NEB: variants seen among roughly 807,000 people sequenced by gnomAD.
The protein encoded by NEB is nebulin.
In NEB, 512 loss-of-function variants were observed where a neutral mutation model predicts 952.2. The ratio of observed to expected loss-of-function variants is 0.54; its 90% confidence interval spans 0.50 to 0.58. The LOEUF (loss-of-function observed/expected upper bound fraction) is 0.58, where lower values mean the gene tolerates loss of function less well. Ranked by LOEUF, NEB falls within the 20% of genes least tolerant of loss-of-function variation. The pLI, the probability that NEB is intolerant of heterozygous loss-of-function variation, is 0.00. For synonymous variants in NEB, 2,900 were observed against 3,149.8 expected (o/e 0.92, Z 2.66); for missense variants, 8,428 against 9,231.1 (o/e 0.91, Z 3.56).
chr2:151,684,833 G>C lies in NEB; in HGVS notation c.2780C>G (p.Pro927Arg), dbSNP rs201124975. The C allele has an allele frequency of 3.3e-5, 53 of 1,613,388 alleles. No individual in the cohort carries two copies. In the East Asian group the frequency reaches 1.2e-3, roughly 36 times the overall value. The change falls in exon 28 of 182, where the codon CCC becomes CGC. Residue 927 changes from proline to arginine, a missense_variant. Around this residue, in one of 11 missense-constraint regions of NEB, gnomAD observed 2,851 missense variants for 2,791.5 expected, o/e 1.02. Transcript: ENST00000397345. ...YKHILHSYSYPPDSINVDLAK... is the reference protein window; with the variant it reads ...YKHILHSYSYRPDSINVDLAK... Reference sequence around the variant, plus strand: ...AAGGTCCACATTGATGCTATCAGGGGGGTAGCTGTAACTGTGTAAGATGTG... The same window carrying C: ...AAGGTCCACATTGATGCTATCAGGGCGGTAGCTGTAACTGTGTAAGATGTG...
At chr2:151,509,690 T>G (rs897729453) in intron 161 of NEB, among the ~76,000 whole-genome samples, 1 of 152,162 alleles carries the variant, frequency 6.6e-6, no homozygotes, top group Non-Finnish European at 1.5e-5. Flanking sequence ...TCCAGTGACG[T>G]GATCTTGGCT....
At chr2:151,541,673 T>G in intron 135 of NEB, 122 bp from the exon 136 acceptor site, 1 of 722,838 alleles carries the variant, frequency 1.4e-6, no homozygotes, top group South Asian at 1.8e-5. Context: ...CGATTGCAGT[T>G]TCTTCCCAAT....
chr2:151,527,984 T>C (rs1225689870), intron 146 of NEB, among the ~76,000 whole-genome samples: 1 of 152,206 alleles, frequency 6.6e-6, no homozygotes, highest in Non-Finnish European at 1.5e-5. Context: ...TCTTTACAAA[T>C]TACAAAACTA....
Position 151,562,168 on chromosome 2 carries a change from T to C in NEB, c.18938A>G (p.Tyr6313Cys). ...GAGGATTTGGGGTGTATCCCAAACGTAGCAACCAATGCCTTTCAACCAATT... is the reference window on the plus strand; with the variant it reads ...GAGGATTTGGGGTGTATCCCAAACGCAGCAACCAATGCCTTTCAACCAATT... ...DLNWLKGIGC[Y>C]VWDTPQILHA... The change falls in exon 121 of 182, where the codon TAC (tyrosine) becomes TGC (cysteine). Residue 6313 changes from tyrosine (Y) to cysteine (C), a missense_variant. Tyr to Cys is a radical substitution (Grantham distance 194, BLOSUM62 -2). Around this residue, in one of 11 missense-constraint regions of NEB, gnomAD observed 3,374 missense variants for 3,651.5 expected, o/e 0.92. Coordinates refer to ENST00000397345, the MANE Select transcript of NEB (RefSeq NM_001164508.2). The C allele has an allele frequency of 1.2e-6, 2 of 1,613,646 alleles. No homozygotes were observed. Among genetic ancestry groups the C allele is most frequent in the Middle Eastern group, 1.7e-4 (1 of 6,056 alleles).
intron 153 of NEB, among the ~76,000 whole-genome samples, chr2:151,523,851 C>T (rs945600292): frequency 2.0e-5 from 3 of 151,900 alleles, no homozygotes; most frequent in African/African-American, 7.3e-5. Flanking sequence ...CTCATCCCTA[C>T]TTCCTAGCCC....
In NEB at chr2:151,527,469, C is replaced by G; in HGVS notation, c.21840+12G>C. 1 of 1,599,702 alleles carries G rather than the reference C, an allele frequency of 6.3e-7. No individual in the cohort carries two copies. Among genetic ancestry groups the G allele is most frequent in the Non-Finnish European group, 8.6e-7 (1 of 1,169,284 alleles). ...TATGCAGTTACAATCGTCTGTGTCTCTCCTGTCTTACATCGCTTTGCTGCA... is the reference window on the plus strand; with the variant it reads ...TATGCAGTTACAATCGTCTGTGTCTGTCCTGTCTTACATCGCTTTGCTGCA... On this transcript the variant is annotated intron_variant, in intron 147 of 181. Transcript: ENST00000397345.
At chr2:151,689,867 C>G (rs1269181594) in intron 24 of NEB, 1 of 152,202 alleles carries the variant, frequency 6.6e-6, no homozygotes. Flanking sequence ...CTGAGTTATA[C>G]TGATGCCATT....
intron 124 of NEB, among the ~76,000 whole-genome samples, chr2:151,560,050 A>G (rs1169421802): frequency 6.6e-6 from 1 of 152,210 alleles, no homozygotes; most frequent in African/African-American, 2.4e-5. Flanking sequence ...ATCTTCTACT[A>G]TATTTAAACA....
chr2:151,534,960 A>C (rs543224168), intron 142 of NEB, among the ~76,000 whole-genome samples: 1 of 152,366 alleles, frequency 6.6e-6, no homozygotes, highest in South Asian at 2.1e-4. Flanking sequence ...TCATTTTTAG[A>C]AATATTGTAC....
At chr2:151,643,056 G>T in intron 58 of NEB, 94 bp downstream of exon 58, 1 of 1,356,160 alleles carries the variant, frequency 7.4e-7, no homozygotes, top group Non-Finnish European at 1.0e-6. Context: ...CCAAGCAAAG[G>T]AATCAAAAAC....
In NEB at chr2:151,546,465, A is replaced by G. The variant is rs1223880450; in HGVS notation, c.20368-22T>C. 2.0e-6 allele frequency: 3 copies of G among 1,474,182 alleles called. No homozygotes were observed. In the Admixed American group the frequency reaches 5.0e-5, roughly 25 times the overall value. The allele number at this position is 1,474,182 out of a possible 1,614,324, so 91.3% of individuals were successfully genotyped here. ...TAATCTGAGAGGCAAACACAGAAAT[A>G]TAGCTGGTCATAAGCAAATGTAAGT... On this transcript the variant is annotated intron_variant, in intron 133 of 181. Coordinates refer to ENST00000397345, the MANE Select transcript of NEB (RefSeq NM_001164508.2).
At position 151,688,480 on chromosome 2, in the gene NEB, C is replaced by T. The variant is rs183819561; in HGVS notation, c.2311-84G>A. ...AGCATATATAGCTAAGGCATTAGTGCTGTTTTTAGAAAAATGCCTCAAAGA... is the reference window on the plus strand; with the variant it reads ...AGCATATATAGCTAAGGCATTAGTGTTGTTTTTAGAAAAATGCCTCAAAGA... On this transcript the variant is annotated intron_variant, in intron 24 of 181. Transcript: ENST00000397345. 5 of 1,029,228 alleles carry T rather than the reference C, an allele frequency of 4.9e-6. No homozygotes were observed. The Admixed American group carries it at 1.0e-4, about 21-fold the overall frequency. The allele number at this position is 1,029,228 out of a possible 1,614,324, so 63.8% of individuals were successfully genotyped here.
At chr2:151,679,623 G>T in intron 32 of NEB, 98 bp downstream of exon 32, 2 of 738,388 alleles carry the variant, frequency 2.7e-6, no homozygotes, top group Non-Finnish European at 2.3e-6. Context: ...GCTTCCAATT[G>T]GGGACTGCAT....
intron 165 of NEB, among the ~76,000 whole-genome samples, chr2:151,503,961 C>T (rs552168614): frequency 6.3e-4 from 96 of 152,242 alleles, no homozygotes; most frequent in African/African-American, 2.2e-3. Flanking sequence ...GTTTATTTTT[C>T]AGGAAGAGCA....
chr2:151,704,655 G>A (rs202137722), intron 13 of NEB, among the ~76,000 whole-genome samples: 15 of 152,282 alleles, frequency 9.9e-5, no homozygotes, highest in East Asian at 9.6e-4. Flanking sequence ...TCTTTGAGTC[G>A]GAAAGGTAAC....
At chr2:151,627,253 A>G (rs987041341) in intron 69 of NEB, 48 bp from the exon 70 acceptor site, 2 of 1,565,084 alleles carry the variant, frequency 1.3e-6, no homozygotes, top group African/African-American at 2.7e-5. Flanking sequence ...TTGTTTTAAC[A>G]TGATTTCAAA....
Position 151,568,709 on chromosome 2 carries a change from T to C in NEB, c.17543A>G (p.Tyr5848Cys), listed in dbSNP as rs1577949283. ...GTTGAGAGTTTCTATTTTTGTGCGA[T>C]ATTTTTTCTATGGGAAAGAAAGCAT... ...HAADIFSEKK[Y>C]RTKIETLNFT... The change falls in exon 111 of 182, where the codon TAT becomes TGT. Residue 5848 changes from tyrosine to cysteine, a missense_variant. Transcript: ENST00000397345. 6.3e-7 allele frequency: 1 copy of C among 1,589,966 alleles called. No homozygotes were observed. The highest frequency in any genetic ancestry group is 1.3e-5 in the African/African-American group (1 of 74,754).
At chr2:151,558,795 T>C (rs771874806) in intron 124 of NEB, among the ~76,000 whole-genome samples, 9 of 151,992 alleles carry the variant, frequency 5.9e-5, no homozygotes, top group Non-Finnish European at 1.3e-4. Flanking sequence ...ATACAAAAAT[T>C]AACTCAAGAT....
chr2:151,719,657 G>A (rs2099768747), intron 9 of NEB, among the ~76,000 whole-genome samples: 1 of 152,152 alleles, frequency 6.6e-6, no homozygotes, highest in Non-Finnish European at 1.5e-5. Context: ...GGCAAAGGCG[G>A]ATGAATTGCT....
Sources: allele counts gnomAD v4.1 joint callset (sites outside exome capture counted in the v4.1 genomes callset), GRCh38; gene constraint gnomAD v4.1.1; regional missense constraint gnomAD v4.1.1; transcripts MANE v1.5; gene names NCBI Gene and HGNC (gene_info 2026-07-23, HGNC 2026-07-21).